Variants in MSRA observed in about 807,000 individuals in gnomAD.
MSRA encodes mitochondrial peptide methionine sulfoxide reductase.
MSRA carries 54 observed loss-of-function variants against 31.3 expected under a neutral mutation model. The observed-to-expected ratio is 1.73, with a 90% CI of 1.39 to 2.17. MSRA has a LOEUF of 2.17. Among genes scored for constraint, MSRA ranks in the 30% most tolerant of loss-of-function variants. MSRA has a pLI of 0.00. For missense variants in MSRA, 507 were observed against 300.9 expected, an observed-to-expected ratio of 1.69 and a Z score of -5.07; for synonymous variants, 169 against 116.5, an observed-to-expected ratio of 1.45 and a Z score of -2.90.
At chr8:10,400,093 A>C (rs1212472930) in intron 5 of MSRA, among the ~76,000 whole-genome samples, 1 of 151,644 alleles carries the variant, frequency 6.6e-6, no homozygotes, top group Non-Finnish European at 1.5e-5. Context: ...GGTGGGAGGT[A>C]GGTGATAAAC....
At chr8:10,280,152 T>C (rs1269288172) in intron 3 of MSRA, among the ~76,000 whole-genome samples, 1 of 152,208 alleles carries the variant, frequency 6.6e-6, no homozygotes, top group Non-Finnish European at 1.5e-5. Context: ...TCTGTAGTTA[T>C]GGCCCCCTTT....
chr8:10,399,572 G>T (rs183126969), intron 5 of MSRA, among the ~76,000 whole-genome samples: 1 of 152,156 alleles, frequency 6.6e-6, no homozygotes, highest in Non-Finnish European at 1.5e-5. Context: ...ACCAGAAGCC[G>T]AGCAGATGCC....
intron 5 of MSRA, among the ~76,000 whole-genome samples, chr8:10,371,492 T>A (rs1805473709): frequency 1.3e-5 from 2 of 152,150 alleles, no homozygotes; most frequent in African/African-American, 2.4e-5. Flanking sequence ...TACTTCTCGT[T>A]CTCAGGTTTT....
At chr8:10,062,394 C>T (rs1024963894) in intron 1 of MSRA, among the ~76,000 whole-genome samples, 8 of 152,196 alleles carry the variant, frequency 5.3e-5, no homozygotes, top group African/African-American at 1.7e-4. Flanking sequence ...ATCTTCCTCA[C>T]ATCATAAACT....
chr8:10,347,986 G>T (rs1048697923), intron 5 of MSRA, among the ~76,000 whole-genome samples: 1 of 152,108 alleles, frequency 6.6e-6, no homozygotes, highest in East Asian at 1.9e-4. Context: ...CACCCTAGCT[G>T]GTCTTTGCCA....
At chr8:10,388,210 A>T (rs1196538476) in intron 5 of MSRA, among the ~76,000 whole-genome samples, 2 of 152,188 alleles carry the variant, frequency 1.3e-5, no homozygotes, top group African/African-American at 4.8e-5. Context: ...AAAGAAGGTT[A>T]TGGGGGAGGC....
chr8:10,065,580 G>GT (rs949788152), intron 1 of MSRA, among the ~76,000 whole-genome samples: 1 of 152,194 alleles, frequency 6.6e-6, no homozygotes, highest in Admixed American at 6.5e-5. Context: ...AGTTCCAAGT[G>GT]TAAGATATGA....
chr8:10,234,513 A>C lies in MSRA; in HGVS notation c.212-10591A>C, dbSNP rs191895286. Reference sequence around the variant, plus strand: ...GGGTCAAAGGCAGTCAGAAAAGACTAATAGGAGAGAGAAAATGAGGGAAAA... The same window carrying C: ...GGGTCAAAGGCAGTCAGAAAAGACTCATAGGAGAGAGAAAATGAGGGAAAA... On this transcript the variant is annotated intron_variant, in intron 2 of 5. Transcript: ENST00000317173. Among the ~76,000 whole-genome samples the C allele has an allele frequency of 3.9e-5, 6 of 152,210 alleles. No homozygotes were observed. The East Asian group carries it at 1.2e-3, about 29-fold the overall frequency.
At chr8:10,385,914 AGAG>A (rs1563420382) in intron 5 of MSRA, among the ~76,000 whole-genome samples, 1 of 152,174 alleles carries the variant, frequency 6.6e-6, no homozygotes, top group Non-Finnish European at 1.5e-5. Context: ...ACGTCGTGAC[AGAG>A]GAGGACAATA....
intron 5 of MSRA, among the ~76,000 whole-genome samples, chr8:10,367,222 G>A (rs906384337): frequency 3.9e-5 from 6 of 152,118 alleles, no homozygotes; most frequent in African/African-American, 9.7e-5. Context: ...TGATCAGATC[G>A]ACAGATCACA....
chr8:10,331,404 G>T (rs1802692077), intron 5 of MSRA, among the ~76,000 whole-genome samples: 1 of 152,194 alleles, frequency 6.6e-6, no homozygotes, highest in Non-Finnish European at 1.5e-5. Flanking sequence ...ACAGTGGAAT[G>T]TTGTACGGCT....
intron 1 of MSRA, among the ~76,000 whole-genome samples, chr8:10,115,597 T>A (rs1800618138): frequency 6.6e-6 from 1 of 152,162 alleles, no homozygotes; most frequent in South Asian, 2.1e-4. Flanking sequence ...TCAGACAGGA[T>A]TTGATGGAGA....
intron 5 of MSRA, chr8:10,336,737 G>A (rs1000664319): frequency 7.9e-5 from 12 of 152,074 alleles, no homozygotes; most frequent in Non-Finnish European, 7.4e-5. Flanking sequence ...TTAGAGATAG[G>A]TTATTTTTAC....
intron 1 of MSRA, among the ~76,000 whole-genome samples, chr8:10,069,849 G>C (rs537336992): frequency 1.3e-5 from 2 of 152,316 alleles, no homozygotes; most frequent in South Asian, 2.1e-4. Context: ...TCTGCTGAGA[G>C]TTAATATGTT....
chr8:10,293,517 G>C (rs1158625604), intron 3 of MSRA, among the ~76,000 whole-genome samples: 1 of 152,166 alleles, frequency 6.6e-6, no homozygotes, highest in Non-Finnish European at 1.5e-5. Context: ...CTTAGCCTGG[G>C]CCTCAGTCCA....
intron 2 of MSRA, among the ~76,000 whole-genome samples, chr8:10,234,061 C>T (rs1346257251): frequency 1.3e-5 from 2 of 152,092 alleles, no homozygotes; most frequent in South Asian, 2.1e-4. Context: ...GCTAAACTTA[C>T]ATTCGATAGT....
At chr8:10,154,580 TG>T (rs1803992503) in intron 1 of MSRA, among the ~76,000 whole-genome samples, 1 of 152,108 alleles carries the variant, frequency 6.6e-6, no homozygotes, top group Non-Finnish European at 1.5e-5. Context: ...GATTTCACCG[TG>T]TTAGTCAGGA....
intron 1 of MSRA, among the ~76,000 whole-genome samples, chr8:10,150,409 A>C (rs1803559874): frequency 2.0e-5 from 3 of 152,186 alleles, no homozygotes; most frequent in Non-Finnish European, 4.4e-5. Flanking sequence ...CATTATATTA[A>C]TTATCTATTC....
chr8:10,223,444 T>C (rs1025083017), intron 2 of MSRA, among the ~76,000 whole-genome samples: 1 of 152,242 alleles, frequency 6.6e-6, no homozygotes, highest in African/African-American at 2.4e-5. Context: ...GTCTATCTCT[T>C]AACTCTTTTA....
Sources: allele counts gnomAD v4.1 joint callset (sites outside exome capture counted in the v4.1 genomes callset), GRCh38; gene constraint gnomAD v4.1.1; transcripts MANE v1.5; gene names NCBI Gene and HGNC (gene_info 2026-07-23, HGNC 2026-07-21).